CD109: variants seen among roughly 807,000 people sequenced by gnomAD.
CD109 encodes the protein CD109 molecule.
Under a neutral mutation model 165.8 loss-of-function variants are expected in CD109, and 149 were observed. The ratio of observed to expected loss-of-function variants is 0.90; its 90% CI spans 0.79 to 1.03. The LOEUF is 1.03. Ranked by LOEUF, CD109 falls within the 50% of genes least tolerant of loss-of-function variation. CD109 has a pLI of 0.00. For synonymous variants in CD109, 585 were observed against 592.1 expected, an observed-to-expected ratio of 0.99 and a Z score of 0.18; for missense variants, 1,712 against 1,677.8, an observed-to-expected ratio of 1.02 and a Z score of -0.36.
rs200492695 is a variant in CD109, at chr6:73,783,795, G to C, written c.2194G>C (p.Gly732Arg). 2.5e-4 allele frequency: 404 copies of C among 1,608,860 alleles called. 1 individual carries two copies. The highest frequency in any genetic ancestry group is 3.7e-4 in the Admixed American group (22 of 59,940). The change falls in exon 19 of 33, where the codon GGT (glycine) becomes CGT (arginine). Residue 732 changes from glycine to arginine, a missense_variant. Transcript: ENST00000287097. ...TGGTTTTGTGATCTCTGAGGACCTG[G>C]GTCTTGGACTAACAACTACTCCAGT... is the stretch of plus-strand genomic sequence containing the variant. ...ATGFVISEDL[G>R]LGLTTTPVEL... is the part of the protein sequence containing the mutation.
At chr6:73,786,489 A>G (rs1774698678) in intron 20 of CD109, among the ~76,000 whole-genome samples, 2 of 152,166 alleles carry the variant, frequency 1.3e-5, no homozygotes, top group South Asian at 4.1e-4. Context: ...TAACCCAGTT[A>G]TCATGGTACC....
intron 22 of CD109, among the ~76,000 whole-genome samples, chr6:73,791,330 T>G (rs143556685): frequency 1.3e-5 from 2 of 150,592 alleles, no homozygotes; most frequent in Non-Finnish European, 2.9e-5. Context: ...CTTGCATAAC[T>G]GGGACTACAG....
chr6:73,785,474 T>G lies in CD109; in HGVS notation c.2334T>G (p.Thr778=), dbSNP rs1158408460. The G allele has an allele frequency of 1.7e-5, 26 of 1,497,610 alleles. No homozygotes were observed. The highest frequency in any genetic ancestry group is 2.3e-5 in the Non-Finnish European group (25 of 1,080,842). The allele number at this position is 1,497,610 out of a possible 1,614,324, so 92.8% of individuals were successfully genotyped here. The change falls in exon 20 of 33, where the codon ACT becomes ACG. Residue 778 remains threonine (T), a synonymous_variant. Transcript: ENST00000287097. ...TATTCAATTATTTGAAAGATGCCACTGAGGTAATGTATTCAAGCTTTTGTT... is the reference window on the plus strand; with the variant it reads ...TATTCAATTATTTGAAAGATGCCACGGAGGTAATGTATTCAAGCTTTTGTT... ...ITIFNYLKDA[T]EVKVIIEKSD...
chr6:73,787,324 G>C lies in CD109; in HGVS notation c.2428G>C (p.Val810Leu). The change falls in exon 21 of 33, where the codon GTT (valine) becomes CTT (leucine). Residue 810 changes from valine (V) to leucine (L), a missense_variant. Transcript: ENST00000287097. ...NATGHQQTLL[V>L]PSEDGATVLF... ...CACAGGCCACCAGCAGACCCTTCTG[G>C]TTCCCAGTGAGGATGGGGCAACTGT... 1 of 1,613,992 alleles carries C rather than the reference G, an allele frequency of 6.2e-7. No individual in the cohort carries two copies. Among genetic ancestry groups the C allele is most frequent in the Non-Finnish European group, 8.5e-7 (1 of 1,179,918 alleles).
intron 3 of CD109, among the ~76,000 whole-genome samples, chr6:73,728,958 G>A (rs554544009): frequency 6.6e-6 from 1 of 152,230 alleles, no homozygotes; most frequent in East Asian, 1.9e-4. Context: ...CTGATTTGGA[G>A]TCTCACGAGG....
At chr6:73,789,339 A>G (rs947838118) in intron 22 of CD109, among the ~76,000 whole-genome samples, 1 of 152,220 alleles carries the variant, frequency 6.6e-6, no homozygotes, top group Non-Finnish European at 1.5e-5. Flanking sequence ...ATACAAAGTG[A>G]TATTATGGCT....
chr6:73,780,611 G>A, intron 16 of CD109, 113 bp downstream of exon 16: 1 of 707,392 alleles, frequency 1.4e-6, no homozygotes, highest in Non-Finnish European at 2.4e-6. Flanking sequence ...TGTCACTGAA[G>A]CGCAGTCTTA....
rs550379312 is a variant in CD109, at chr6:73,760,334, G to A, written c.758+1306G>A. 1.1e-3 allele frequency among the ~76,000 whole-genome samples: 159 copies of A among 149,818 alleles called. 1 individual carries two copies. Among genetic ancestry groups the A allele is most frequent in the African/African-American group, 3.5e-3 (143 of 40,680 alleles). ...AGGCAGGAGAATGGCGTGAACCTGG[G>A]AGGCGGAGCTTGCAGTGAGCCGAGA... On this transcript the variant is annotated intron_variant, in intron 7 of 32. Transcript: ENST00000287097.
chr6:73,767,967 T>G, intron 13 of CD109, 88 bp from the exon 14 acceptor site: 3 of 1,054,976 alleles, frequency 2.8e-6, no homozygotes, highest in Middle Eastern at 4.8e-4. Flanking sequence ...AGAATTTGTG[T>G]GTATGCATAC....
chr6:73,693,988 C>T (rs1009878558), upstream of CD109: 1 of 151,926 alleles, frequency 6.6e-6, no homozygotes, highest in Non-Finnish European at 1.5e-5. Context: ...CAGGTTCAAG[C>T]AATTCTCTTG....
chr6:73,777,357 A>G (rs1774289932), intron 15 of CD109, among the ~76,000 whole-genome samples: 1 of 152,122 alleles, frequency 6.6e-6, no homozygotes, highest in Admixed American at 6.6e-5. Flanking sequence ...ACAGTTTGCA[A>G]AAATTTTCTC....
chr6:73,748,656 G>C (rs1352599809), intron 5 of CD109, among the ~76,000 whole-genome samples: 1 of 152,218 alleles, frequency 6.6e-6, no homozygotes, highest in Non-Finnish European at 1.5e-5. Context: ...TGGTAATTCT[G>C]ATTCAGTAGC....
At chr6:73,803,784 T>C (rs1363217891) in intron 24 of CD109, among the ~76,000 whole-genome samples, 1 of 152,118 alleles carries the variant, frequency 6.6e-6, no homozygotes, top group Admixed American at 6.5e-5. Flanking sequence ...ATGTGGCTGA[T>C]TTTGGATGAT....
chr6:73,809,903 G>T, intron 26 of CD109, 81 bp from the exon 27 acceptor site: 3 of 1,065,344 alleles, frequency 2.8e-6, no homozygotes, highest in Non-Finnish European at 2.7e-6. Flanking sequence ...GTACAACTTG[G>T]ACCAGAGTAG....
intron 5 of CD109, among the ~76,000 whole-genome samples, chr6:73,746,893 A>G (rs1317135093): frequency 6.6e-6 from 1 of 152,184 alleles, no homozygotes; most frequent in Admixed American, 6.5e-5. Context: ...GAGAGAAGGG[A>G]TCCAGGAACA....
intron 18 of CD109, 50 bp from the exon 19 acceptor site, chr6:73,783,657 T>C (rs1306546872): frequency 3.7e-6 from 4 of 1,070,230 alleles, no homozygotes; most frequent in Admixed American, 3.7e-5. Flanking sequence ...TATTTCAAAA[T>C]GTATCAGTTC....
In CD109 at chr6:73,745,831, C is replaced by T. The variant is rs71555214; in HGVS notation, c.633+9323C>T. Reference sequence around the variant, plus strand: ...GTAACCTCCGCCTCCCAGGTTCAAGCGATTCACCTGCCTCAGCCTCCCGAG... The same window carrying T: ...GTAACCTCCGCCTCCCAGGTTCAAGTGATTCACCTGCCTCAGCCTCCCGAG... On this transcript the variant is annotated intron_variant, in intron 5 of 32. Coordinates refer to ENST00000287097, the MANE Select transcript of CD109 (RefSeq NM_133493.5). Among the ~76,000 whole-genome samples the T allele has an allele frequency of 4.1e-4, 62 of 152,212 alleles. No individual in the cohort carries two copies. In the South Asian group the frequency reaches 6.4e-3, roughly 16 times the overall value.
rs959075197 is a variant in CD109 at position 73,826,776 on chromosome 6, T to C, written c.*3143T>C. 1 of 152,116 alleles carries C rather than the reference T, an allele frequency of 6.6e-6. No homozygotes were observed. The highest frequency in any genetic ancestry group is 2.1e-4 in the South Asian group (1 of 4,830). The allele number at this position is 152,116 out of a possible 1,614,324, so 9.4% of individuals were successfully genotyped here. On this transcript the variant is annotated 3_prime_UTR_variant, in exon 33 of 33. Coordinates refer to ENST00000287097, the MANE Select transcript of CD109 (RefSeq NM_133493.5). ...GATGTTACTTACATATGTAATACTG[T>C]ATCCTGCACGTGGAAATATTCAGAA...
In CD109 at chr6:73,744,703, A is replaced by G. The variant is rs192957332; in HGVS notation, c.633+8195A>G. On this transcript the variant is annotated intron_variant, in intron 5 of 32. Transcript: ENST00000287097. ...TTCTAGGCCCCATATGCAAATTTTCATGAGGAGTTCTTTGTTTTGTTCTTT... is the reference window on the plus strand; with the variant it reads ...TTCTAGGCCCCATATGCAAATTTTCGTGAGGAGTTCTTTGTTTTGTTCTTT... Among the ~76,000 whole-genome samples the G allele has an allele frequency of 3.9e-3, 598 of 152,284 alleles. 3 individuals are homozygous for G. The highest frequency in any genetic ancestry group is 7.0e-3 in the Non-Finnish European group (473 of 68,026).
Sources: gnomAD v4.1 joint callset for allele counts (sites outside exome capture counted in the v4.1 genomes callset) on GRCh38, gnomAD v4.1.1 for gene constraint, MANE v1.5 for transcripts, NCBI Gene and HGNC (gene_info 2026-07-23, HGNC 2026-07-21) for gene names.